Variants in PUDP observed in about 807,000 individuals in gnomAD.
PUDP encodes the protein pseudouridine-5'-phosphatase.
Under a neutral mutation model 9.4 loss-of-function variants are expected in PUDP, and 8 were observed. That is an observed-to-expected ratio of 0.85 (90% confidence interval 0.50 to 1.53). The LOEUF is 1.53. PUDP is among the 40% of genes most tolerant of loss of function. The pLI is 0.00. For synonymous variants in PUDP, 99 were observed against 80.7 expected, an observed-to-expected ratio of 1.23 and a Z score of -1.22; for missense variants, 188 against 189.7, an observed-to-expected ratio of 0.99 and a Z score of 0.05.
intron 1 of PUDP, among the ~76,000 whole-genome samples, chrX:7,007,990 G>A (rs1929425183): frequency 9.1e-6 from 1 of 109,887 alleles, no homozygotes; most frequent in Non-Finnish European, 1.9e-5. Flanking sequence ...TTGAGATGGA[G>A]TCTTGCTCTG....
chrX:6,804,399 CTT>C (rs1466702808), intron 3 of PUDP, among the ~76,000 whole-genome samples: 2 of 111,751 alleles, frequency 1.8e-5, no homozygotes, highest in Non-Finnish European at 3.8e-5. Flanking sequence ...AATTACTTAA[CTT>C]CACAGTAGCT....
intron 3 of PUDP, among the ~76,000 whole-genome samples, chrX:7,075,343 A>G (rs1434527313): frequency 9.0e-6 from 1 of 111,654 alleles, no homozygotes; most frequent in Non-Finnish European, 1.9e-5. Context: ...TGTCTCTACT[A>G]AAAATAGAAA....
chrX:7,011,848 AC>A (rs980504078), intron 1 of PUDP, among the ~76,000 whole-genome samples: 6 of 112,498 alleles, frequency 5.3e-5, no homozygotes, highest in African/African-American at 1.9e-4. Context: ...CCTTCTGGAA[AC>A]AACATCCATA....
intron 3 of PUDP, among the ~76,000 whole-genome samples, chrX:6,913,379 C>A: frequency 9.0e-6 from 1 of 111,235 alleles, no homozygotes; most frequent in Admixed American, 9.6e-5. Flanking sequence ...TGTGGAAAAC[C>A]CTAGAAATAT....
At chrX:6,762,042 A>G (rs1925233849) in intron 3 of PUDP, among the ~76,000 whole-genome samples, 1 of 110,950 alleles carries the variant, frequency 9.0e-6, no homozygotes. Flanking sequence ...AAATACAAAA[A>G]TCAGCTGGGT....
chrX:6,939,887 A>T (rs1928374786), intron 3 of PUDP, among the ~76,000 whole-genome samples: 1 of 111,533 alleles, frequency 9.0e-6, no homozygotes, highest in African/African-American at 3.2e-5. Flanking sequence ...GAGAAAAGAA[A>T]AAAGAATTCT....
chrX:7,042,712 G>C (rs1929938646), intron 1 of PUDP, among the ~76,000 whole-genome samples: 1 of 111,102 alleles, frequency 9.0e-6, no homozygotes, highest in Non-Finnish European at 1.9e-5. Flanking sequence ...ATGAATCTGT[G>C]TTCTAATTTT....
chrX:6,749,881 A>T (rs918811213), intron 3 of PUDP, among the ~76,000 whole-genome samples: 3 of 112,014 alleles, frequency 2.7e-5, no homozygotes, highest in African/African-American at 6.5e-5. Context: ...GGAGTGCGTT[A>T]ATTTTTTCTC....
At chrX:7,062,826 C>G (rs111852719) in intron 3 of PUDP, among the ~76,000 whole-genome samples, 1 of 109,741 alleles carries the variant, frequency 9.1e-6, no homozygotes, top group Non-Finnish European at 1.9e-5. Context: ...AAAGGCAGTG[C>G]CCCCCTACCC....
At chrX:6,724,599 A>G (rs1248212382), upstream of PUDP, among the ~76,000 whole-genome samples, 1 of 110,828 alleles carries the variant, frequency 9.0e-6, no homozygotes, top group African/African-American at 3.3e-5. Context: ...GGTTAAGTGA[A>G]ATTTGTGATT....
intron 3 of PUDP, among the ~76,000 whole-genome samples, chrX:6,772,208 G>A (rs968958024): frequency 8.9e-6 from 1 of 112,204 alleles, no homozygotes; most frequent in African/African-American, 3.2e-5. Flanking sequence ...CTTGTTTTAT[G>A]TAGCAGTTAA....
intron 3 of PUDP, among the ~76,000 whole-genome samples, chrX:6,786,108 T>C (rs1014835278): frequency 4.5e-5 from 5 of 111,816 alleles, no homozygotes; most frequent in African/African-American, 1.3e-4. Context: ...ATTGACTCTA[T>C]AGGTCACTTG....
intron 3 of PUDP, among the ~76,000 whole-genome samples, chrX:6,772,470 C>T (rs1925379067): frequency 9.0e-6 from 1 of 110,500 alleles, no homozygotes; most frequent in East Asian, 2.8e-4. Context: ...TCCATCACCT[C>T]AACACTATAA....
chrX:6,790,894 T>C (rs749421138), intron 3 of PUDP, among the ~76,000 whole-genome samples: 6 of 112,189 alleles, frequency 5.3e-5, no homozygotes, highest in Non-Finnish European at 1.1e-4. Context: ...GATTTCTGCA[T>C]TACATTGTAC....
At chrX:7,051,118 C>T (rs1930089247) in intron 3 of PUDP, among the ~76,000 whole-genome samples, 1 of 111,528 alleles carries the variant, frequency 9.0e-6, no homozygotes, top group Admixed American at 9.5e-5. Context: ...GTGTTTCCTA[C>T]TGGCAACTGC....
At chrX:7,140,844 G>A (rs1932788225) in intron 1 of PUDP, among the ~76,000 whole-genome samples, 1 of 112,197 alleles carries the variant, frequency 8.9e-6, no homozygotes, top group Non-Finnish European at 1.9e-5. Flanking sequence ...CACGTGACGT[G>A]TCTGTGTCAC....
intron 3 of PUDP, among the ~76,000 whole-genome samples, chrX:7,072,249 T>C (rs1930757608): frequency 1.8e-5 from 2 of 111,508 alleles, no homozygotes; most frequent in Admixed American, 1.9e-4. Context: ...ATCTACCACG[T>C]CCCTTGTTTA....
At position 7,077,335 on chromosome X, in the gene PUDP, C is replaced by CTG; in HGVS notation, c.393_394dup (p.Ser132ThrfsTer26). On this transcript the variant is annotated frameshift_variant, in exon 3 of 4. Transcript: ENST00000381077. LOFTEE classifies it high-confidence loss of function. ...TCCCAGCACAATGTGGGAAAACAAGCTGAAGAACTCCTTGTGGCGGCTTGT... is the reference window on the plus strand; with the variant it reads ...TCCCAGCACAATGTGGGAAAACAAGCTGTGAAGAACTCCTTGTGGCGGCTTGT... 1 of 1,211,279 alleles carries CTG rather than the reference C, an allele frequency of 8.3e-7. No homozygotes were observed. Among genetic ancestry groups the CTG allele is most frequent in the East Asian group, 3.0e-5 (1 of 33,806 alleles).
intron 3 of PUDP, among the ~76,000 whole-genome samples, chrX:6,839,907 CA>C (rs1926640981): frequency 9.0e-6 from 1 of 110,795 alleles, no homozygotes; most frequent in Non-Finnish European, 1.9e-5. Flanking sequence ...CCCCCTCCCC[CA>C]TACACACAAA....
Sources: gnomAD v4.1 joint callset for allele counts (sites outside exome capture counted in the v4.1 genomes callset) on GRCh38, gnomAD v4.1.1 for gene constraint, MANE v1.5 for transcripts, NCBI Gene and HGNC (gene_info 2026-07-23, HGNC 2026-07-21) for gene names.